MAP4: variants seen among roughly 807,000 people sequenced by gnomAD.
MAP4 encodes microtubule associated protein 4, also known as microtubule-associated protein 4.
A neutral mutation model predicts 170.2 loss-of-function variants in MAP4; 76 were observed. The observed-to-expected ratio is 0.45, with a 90% CI of 0.37 to 0.54. The LOEUF is 0.54. Ranked by LOEUF, MAP4 falls within the 20% of genes least tolerant of loss-of-function variation. The pLI is 0.00. For synonymous variants in MAP4, 909 were observed against 994.5 expected (o/e 0.91, Z 1.62); for missense variants, 2,506 against 2,748.0 (o/e 0.91, Z 1.97).
At chr3:47,892,426 C>T (rs931420947) in intron 10 of MAP4, 16 of 1,536,236 alleles carry the variant, frequency 1.0e-5, no homozygotes, top group East Asian at 2.4e-5. Flanking sequence ...ACTCTGCAGG[C>T]TTGCCCTTAC....
intron 1 of MAP4, among the ~76,000 whole-genome samples, chr3:48,064,099 C>T (rs1218043544): frequency 6.6e-6 from 1 of 152,094 alleles, no homozygotes; most frequent in East Asian, 1.9e-4. Context: ...CAGAACAAAC[C>T]CCCTTCCTGG....
At chr3:47,924,969 C>T (rs1045404688) in intron 4 of MAP4, among the ~76,000 whole-genome samples, 4 of 152,090 alleles carry the variant, frequency 2.6e-5, no homozygotes, top group Non-Finnish European at 4.4e-5. Flanking sequence ...CGCCACCACA[C>T]CTGGCTAATT....
At chr3:47,944,898 G>C (rs1271443097) in intron 3 of MAP4, among the ~76,000 whole-genome samples, 1 of 150,090 alleles carries the variant, frequency 6.7e-6, no homozygotes, top group African/African-American at 2.5e-5. Flanking sequence ...TGGTACTAGG[G>C]AACCGGTGTG....
At chr3:48,070,000 G>T (rs1292881954) in intron 1 of MAP4, among the ~76,000 whole-genome samples, 1 of 151,814 alleles carries the variant, frequency 6.6e-6, no homozygotes, top group Non-Finnish European at 1.5e-5. Context: ...CTGAGACAGG[G>T]TCTCACTCCA....
chr3:48,000,849 C>T (rs2100098717), intron 1 of MAP4, among the ~76,000 whole-genome samples: 1 of 152,224 alleles, frequency 6.6e-6, no homozygotes. Flanking sequence ...CTCTCTCCAA[C>T]AAATGTACTT....
At chr3:48,066,360 C>T (rs2100138245) in intron 1 of MAP4, among the ~76,000 whole-genome samples, 1 of 152,060 alleles carries the variant, frequency 6.6e-6, no homozygotes, top group South Asian at 2.1e-4. Context: ...CTTGATGGTC[C>T]TTGTTCTTTT....
At position 47,974,682 on chromosome 3, in the gene MAP4, T is replaced by C. The variant is rs9862913; in HGVS notation, c.292+3183A>G. ...GTACTAATCTCAACTGGTTCTAGAT[T>C]TAAGCAATTAGTTTGAAAAAATTAG... On this transcript the variant is annotated intron_variant, in intron 3 of 20. Transcript: ENST00000683076. 0.33 allele frequency: 316,551 copies of C among 960,352 alleles called. 53,785 individuals are homozygous for C. The highest frequency in any genetic ancestry group is 0.51 in the African/African-American group (29,021 of 56,498). 59.5% of individuals were successfully genotyped at this position (960,352 alleles called of 1,614,324 possible). A position where few individuals can be genotyped will look rare whatever the true frequency, so the allele number is the denominator to read the frequency against.
chr3:48,016,678 T>A (rs1379053470), upstream of MAP4, among the ~76,000 whole-genome samples: 3 of 152,182 alleles, frequency 2.0e-5, no homozygotes, highest in Non-Finnish European at 2.9e-5. Context: ...GCATTTTTTT[T>A]AAACTTTACA....
intron 1 of MAP4, among the ~76,000 whole-genome samples, chr3:48,074,734 G>C (rs527430222): frequency 7.1e-6 from 1 of 141,444 alleles, no homozygotes; most frequent in Admixed American, 7.3e-5. Flanking sequence ...GTGATATGTC[G>C]GCCAGACTGG....
chr3:47,960,335 TCA>T (rs1478157689), intron 3 of MAP4: 2 of 229,740 alleles, frequency 8.7e-6, no homozygotes, highest in Admixed American at 8.3e-5. Context: ...TTCTGTTTCC[TCA>T]GTTTTTCAGG....
chr3:47,874,663 C>A (rs2094659712), intron 12 of MAP4, among the ~76,000 whole-genome samples: 1 of 152,118 alleles, frequency 6.6e-6, no homozygotes, highest in Non-Finnish European at 1.5e-5. Context: ...CTCCCCTCTG[C>A]CCTCTTATTC....
At chr3:48,081,998 T>C (rs746178885) in intron 1 of MAP4, among the ~76,000 whole-genome samples, 11 of 152,092 alleles carry the variant, frequency 7.2e-5, no homozygotes, top group Non-Finnish European at 1.3e-4. Context: ...CAAAAGAACA[T>C]AGGTGCCAAT....
chr3:47,858,624 G>GCGCGT (rs1369920604), intron 17 of MAP4, among the ~76,000 whole-genome samples: 101 of 142,774 alleles, frequency 7.1e-4, no homozygotes, highest in African/African-American at 2.7e-3. Flanking sequence ...TGCGCGTTGT[G>GCGCGT]TGTGTGTGTG....
chr3:48,078,800 C>T (rs1464278175), intron 1 of MAP4, among the ~76,000 whole-genome samples: 1 of 152,116 alleles, frequency 6.6e-6, no homozygotes, highest in African/African-American at 2.4e-5. Flanking sequence ...CAGAGTCCTA[C>T]TAGTGGATTT....
intron 1 of MAP4, among the ~76,000 whole-genome samples, chr3:48,038,176 G>GAAAAAA (rs397786308): frequency 8.4e-6 from 1 of 118,862 alleles, no homozygotes; most frequent in African/African-American, 3.4e-5. Context: ...TCCAAAAAAA[G>GAAAAAA]AAAAAAAAAA....
chr3:48,072,895 T>TG (rs2154565642), intron 1 of MAP4, among the ~76,000 whole-genome samples: 1 of 152,324 alleles, frequency 6.6e-6, no homozygotes, highest in South Asian at 2.1e-4. Flanking sequence ...AAATGAAGTA[T>TG]GGTCTCTGAC....
At chr3:47,974,650 T>C (rs2100080899) in intron 3 of MAP4, 1 of 946,636 alleles carries the variant, frequency 1.1e-6, no homozygotes, top group Non-Finnish European at 1.3e-6. Context: ...AAGCATACCA[T>C]TGTACAGTAC....
intron 1 of MAP4, among the ~76,000 whole-genome samples, chr3:48,028,725 T>C (rs2154508281): frequency 6.6e-6 from 1 of 151,642 alleles, no homozygotes; most frequent in South Asian, 2.1e-4. Flanking sequence ...TGAGCCAAGA[T>C]TGCGCCACTG....
intron 1 of MAP4, among the ~76,000 whole-genome samples, chr3:48,075,229 G>T (rs1292023843): frequency 2.6e-5 from 4 of 152,126 alleles, no homozygotes; most frequent in African/African-American, 9.7e-5. Context: ...CAATGCAATA[G>T]AATTGAAAGT....
Sources: allele counts gnomAD v4.1 joint callset (sites outside exome capture counted in the v4.1 genomes callset), GRCh38; gene constraint gnomAD v4.1.1; transcripts MANE v1.5; gene names NCBI Gene and HGNC (gene_info 2026-07-23, HGNC 2026-07-21).